Variants in C8orf34 observed in about 807,000 individuals in gnomAD.
C8orf34 encodes the protein uncharacterized protein C8orf34.
C8orf34 carries 65 observed loss-of-function variants against 68.3 expected under a neutral mutation model. The observed-to-expected ratio is 0.95, with a 90% CI of 0.78 to 1.17. The LOEUF (loss-of-function observed/expected upper bound fraction) is 1.17, where lower values mean the gene tolerates loss of function less well. C8orf34 is among the 50% of genes most tolerant of loss of function. The pLI, the probability that C8orf34 is intolerant of heterozygous loss-of-function variation, is 0.00. For missense variants in C8orf34, 664 were observed against 655.4 expected (o/e 1.01, Z -0.14); for synonymous variants, 244 against 241.2 (o/e 1.01, Z -0.11).
intron 7 of C8orf34, among the ~76,000 whole-genome samples, chr8:68,591,989 C>A (rs1341371916): frequency 3.3e-5 from 5 of 152,028 alleles, no homozygotes; most frequent in Non-Finnish European, 4.4e-5. Flanking sequence ...AGGAACCCCC[C>A]AAATAAGATA....
intron 1 of C8orf34, among the ~76,000 whole-genome samples, chr8:68,375,365 A>G (rs1389149646): frequency 6.6e-6 from 1 of 152,220 alleles, no homozygotes; most frequent in African/African-American, 2.4e-5. Flanking sequence ...ACACATGTAA[A>G]CAAGGGCATG....
chr8:68,333,608 G>A (rs1256638263), intron 1 of C8orf34, among the ~76,000 whole-genome samples: 2 of 152,170 alleles, frequency 1.3e-5, no homozygotes, highest in Non-Finnish European at 2.9e-5. Context: ...AGTGCCACCT[G>A]TGAAATGGAC....
intron 10 of C8orf34, among the ~76,000 whole-genome samples, chr8:68,744,710 G>C (rs1411907466): frequency 6.6e-6 from 1 of 152,140 alleles, no homozygotes; most frequent in Non-Finnish European, 1.5e-5. Context: ...AACGAGCAAA[G>C]CCTCCAAGAA....
intron 7 of C8orf34, among the ~76,000 whole-genome samples, chr8:68,594,383 C>T (rs1817481571): frequency 1.3e-5 from 2 of 151,898 alleles, no homozygotes; most frequent in South Asian, 2.1e-4. Context: ...AATATGATTC[C>T]TACTTTCCTC....
chr8:68,788,358 CATTTTAAAATGTTCTT>C (rs1168332144), intron 12 of C8orf34, among the ~76,000 whole-genome samples: 12 of 152,072 alleles, frequency 7.9e-5, no homozygotes, highest in Non-Finnish European at 1.8e-4. Flanking sequence ...GGTTAAAAGC[CATTTTAAAATGTTCTT>C]ATCCCACTTC....
intron 8 of C8orf34, among the ~76,000 whole-genome samples, chr8:68,641,221 TC>T (rs1257837069): frequency 6.6e-5 from 10 of 152,348 alleles, no homozygotes; most frequent in African/African-American, 2.2e-4. Context: ...TATCTCCTTT[TC>T]TTTATGTCTA....
intron 7 of C8orf34, among the ~76,000 whole-genome samples, chr8:68,617,062 T>C (rs970426808): frequency 1.3e-5 from 2 of 152,200 alleles, no homozygotes; most frequent in African/African-American, 2.4e-5. Flanking sequence ...TTGTCTCTTT[T>C]GATCTTTGTT....
At chr8:68,355,369 A>G (rs1806704511) in intron 1 of C8orf34, among the ~76,000 whole-genome samples, 1 of 152,166 alleles carries the variant, frequency 6.6e-6, no homozygotes, top group Non-Finnish European at 1.5e-5. Flanking sequence ...ACCCTGAGCA[A>G]GTGATTTAAT....
At chr8:68,401,760 G>A (rs1808966055) in intron 1 of C8orf34, among the ~76,000 whole-genome samples, 1 of 152,044 alleles carries the variant, frequency 6.6e-6, no homozygotes, top group African/African-American at 2.4e-5. Flanking sequence ...TGATCATGGT[G>A]TGTTATCTTT....
intron 12 of C8orf34, among the ~76,000 whole-genome samples, chr8:68,795,414 C>CATGTAATA (rs1024592748): frequency 1.1e-4 from 17 of 151,192 alleles, no homozygotes; most frequent in Admixed American, 9.3e-4. Flanking sequence ...GAAAACTGGA[C>CATGTAATA]ATGTAATATA....
intron 4 of C8orf34, among the ~76,000 whole-genome samples, chr8:68,482,283 T>G (rs1812892305): frequency 6.6e-6 from 1 of 152,162 alleles, no homozygotes; most frequent in Non-Finnish European, 1.5e-5. Context: ...GTAAGTCCAA[T>G]TAAACCTCTT....
At chr8:68,581,938 G>A (rs140228482) in intron 7 of C8orf34, among the ~76,000 whole-genome samples, 2 of 152,210 alleles carry the variant, frequency 1.3e-5, no homozygotes, top group African/African-American at 4.8e-5. Flanking sequence ...ATTTGGGAAA[G>A]CACACACACA....
intron 7 of C8orf34, among the ~76,000 whole-genome samples, chr8:68,612,859 T>C (rs1299807359): frequency 1.3e-5 from 2 of 152,168 alleles, no homozygotes; most frequent in South Asian, 2.1e-4. Flanking sequence ...CTGTTTGAAT[T>C]AATAAATTTA....
intron 7 of C8orf34, among the ~76,000 whole-genome samples, chr8:68,598,023 A>G (rs1325870390): frequency 6.6e-6 from 1 of 152,170 alleles, no homozygotes; most frequent in African/African-American, 2.4e-5. Context: ...ATTCAAAACA[A>G]TGTTAATCAT....
chr8:68,540,213 A>C (rs922979714), intron 7 of C8orf34, among the ~76,000 whole-genome samples: 1 of 151,852 alleles, frequency 6.6e-6, no homozygotes, highest in African/African-American at 2.4e-5. Context: ...TGTTCTAATT[A>C]AGGTAAATCA....
At chr8:68,547,782 T>C (rs1194683133) in intron 7 of C8orf34, among the ~76,000 whole-genome samples, 3 of 151,696 alleles carry the variant, frequency 2.0e-5, no homozygotes, top group South Asian at 2.1e-4. Flanking sequence ...AGTGGAATTA[T>C]AGGATCTGAT....
At chr8:68,367,907 G>GAAAAAAAAAAAAA (rs1807360133) in intron 1 of C8orf34, among the ~76,000 whole-genome samples, 20 of 15,024 alleles carry the variant, frequency 1.3e-3, no homozygotes, top group Non-Finnish European at 1.7e-3. Flanking sequence ...AATAAAAAAA[G>GAAAAAAAAAAAAA]AAAAGAAAAA....
chr8:68,466,491 A>G (rs140474795), intron 3 of C8orf34, among the ~76,000 whole-genome samples: 103 of 147,470 alleles, frequency 7.0e-4, no homozygotes, highest in Non-Finnish European at 1.1e-3. Context: ...ACAAAATTTC[A>G]TGTATACCTT....
chr8:68,586,904 G>A (rs1817225979), intron 7 of C8orf34, among the ~76,000 whole-genome samples: 1 of 151,998 alleles, frequency 6.6e-6, no homozygotes, highest in African/African-American at 2.4e-5. Flanking sequence ...ATTCAACTAA[G>A]CCACAGACAT....
Sources: gnomAD v4.1 joint callset for allele counts (sites outside exome capture counted in the v4.1 genomes callset) on GRCh38, gnomAD v4.1.1 for gene constraint, MANE v1.5 for transcripts, NCBI Gene and HGNC (gene_info 2026-07-23, HGNC 2026-07-21) for gene names.